Variants in PRKCA observed in about 807,000 individuals in gnomAD.
PRKCA encodes protein kinase C alpha type.
In PRKCA, 27 loss-of-function variants were observed where a neutral mutation model predicts 87.0. The observed-to-expected ratio is 0.31, with a 90% CI of 0.23 to 0.43. PRKCA has a LOEUF of 0.43. Ranked by LOEUF, PRKCA falls within the 20% of genes least tolerant of loss-of-function variation. PRKCA has a pLI of 1.00. For synonymous variants in PRKCA, 329 were observed against 311.1 expected, an observed-to-expected ratio of 1.06 and a Z score of -0.61; for missense variants, 518 against 852.3, an observed-to-expected ratio of 0.61 and a Z score of 4.88.
chr17:66,640,899 G>T, intron 3 of PRKCA: 1 of 421,120 alleles, frequency 2.4e-6, no homozygotes, highest in South Asian at 1.7e-5. Flanking sequence ...GGTGGTTCAC[G>T]CCTGTAATCC....
At chr17:66,755,736 G>A (rs1974532977) in intron 13 of PRKCA, among the ~76,000 whole-genome samples, 2 of 152,102 alleles carry the variant, frequency 1.3e-5, no homozygotes, top group South Asian at 2.1e-4. Flanking sequence ...AGACGTCATC[G>A]TTCCATCCTG....
chr17:66,793,586 G>A (rs1374783930), intron 16 of PRKCA, among the ~76,000 whole-genome samples: 4 of 75,846 alleles, frequency 5.3e-5, no homozygotes, highest in Middle Eastern at 0.012. Flanking sequence ...ATGAAACTCC[G>A]TCTCAAAAAA....
At chr17:66,725,775 AC>A (rs1973731634) in intron 8 of PRKCA, among the ~76,000 whole-genome samples, 1 of 150,962 alleles carries the variant, frequency 6.6e-6, no homozygotes, top group African/African-American at 2.4e-5. Flanking sequence ...ATGCCACTGC[AC>A]TCCAGCCTGG....
Position 66,686,998 on chromosome 17 carries a change from C to T in PRKCA, c.530-113C>T, listed in dbSNP as rs560981146. ...GAGGCTTTTGGCTTCCACCATCTGTCTCCTTAAACGCCATTCTGACGTCTC... is the reference window on the plus strand; with the variant it reads ...GAGGCTTTTGGCTTCCACCATCTGTTTCCTTAAACGCCATTCTGACGTCTC... On this transcript the variant is annotated intron_variant, in intron 5 of 16. Transcript: ENST00000413366. 8 of 962,032 alleles carry T rather than the reference C, an allele frequency of 8.3e-6. No homozygotes were observed. In the South Asian group the frequency reaches 1.1e-4, roughly 13 times the overall value. 59.6% of individuals were successfully genotyped at this position (962,032 alleles called of 1,614,324 possible).
At chr17:66,716,418 C>T (rs889752795) in intron 8 of PRKCA, among the ~76,000 whole-genome samples, 1 of 152,192 alleles carries the variant, frequency 6.6e-6, no homozygotes, top group African/African-American at 2.4e-5. Context: ...TCCTCTAAGC[C>T]GGGCATCAGA....
At chr17:66,658,726 G>A (rs1598851719) in intron 5 of PRKCA, among the ~76,000 whole-genome samples, 2 of 152,150 alleles carry the variant, frequency 1.3e-5, no homozygotes, top group African/African-American at 4.8e-5. Flanking sequence ...TATTAATGGA[G>A]TTTTACTCCA....
chr17:66,721,351 G>C (rs188621953), intron 8 of PRKCA, among the ~76,000 whole-genome samples: 9 of 150,064 alleles, frequency 6.0e-5, no homozygotes, highest in Non-Finnish European at 1.0e-4. Context: ...AGCCGAGATC[G>C]GGCCACTGCA....
At chr17:66,376,801 T>A (rs1467533017) in intron 2 of PRKCA, among the ~76,000 whole-genome samples, 1 of 152,006 alleles carries the variant, frequency 6.6e-6, no homozygotes, top group African/African-American at 2.4e-5. Context: ...GGTCCCCATG[T>A]AAGTCCTTTC....
rs11654120 is a variant in PRKCA at position 66,778,384 on chromosome 17, C to A, written c.1605+4317C>A. The A allele has an allele frequency of 3.9e-4, 108 of 276,492 alleles. No homozygotes were observed. The South Asian group carries it at 0.012, about 30-fold the overall frequency. 17.1% of individuals were successfully genotyped at this position (276,492 alleles called of 1,614,324 possible). ...AAAAAAAATTAGCCGAGTGTGGTGGCGGGCGCCTGTAGTCCCAGCTACTCG... is the reference window on the plus strand; with the variant it reads ...AAAAAAAATTAGCCGAGTGTGGTGGAGGGCGCCTGTAGTCCCAGCTACTCG... On this transcript the variant is annotated intron_variant, in intron 14 of 16. Transcript: ENST00000413366.
intron 5 of PRKCA, among the ~76,000 whole-genome samples, chr17:66,647,742 C>T (rs1405774222): frequency 1.3e-5 from 2 of 152,166 alleles, no homozygotes; most frequent in South Asian, 2.1e-4. Context: ...GAACTTGACT[C>T]ACAATTGTAG....
At chr17:66,329,881 T>C (rs1436784742) in intron 2 of PRKCA, among the ~76,000 whole-genome samples, 1 of 152,186 alleles carries the variant, frequency 6.6e-6, no homozygotes, top group East Asian at 1.9e-4. Flanking sequence ...TTGATCGAAA[T>C]GTCGATCTTT....
rs12103778 is a variant in PRKCA at position 66,533,965 on chromosome 17, C to T, written c.288+37682C>T. ...TGCCACAGTGTTTATGGAGCCCTGC[C>T]TTTTGGAGGAGTGGGAAGTGGAGCT... On this transcript the variant is annotated intron_variant, in intron 3 of 16. Coordinates refer to ENST00000413366, the MANE Select transcript of PRKCA (RefSeq NM_002737.3). 1.6e-3 allele frequency among the ~76,000 whole-genome samples: 239 copies of T among 152,088 alleles called. 1 individual carries two copies. Among genetic ancestry groups the T allele is most frequent in the African/African-American group, 5.3e-3 (219 of 41,528 alleles).
chr17:66,708,193 C>T (rs189822273), intron 8 of PRKCA, among the ~76,000 whole-genome samples: 72 of 152,302 alleles, frequency 4.7e-4, no homozygotes, highest in Admixed American at 3.9e-3. Flanking sequence ...TCAGGGAACT[C>T]GGTGGCTGTC....
intron 3 of PRKCA, among the ~76,000 whole-genome samples, chr17:66,534,698 A>T (rs1967706017): frequency 6.6e-6 from 1 of 152,112 alleles, no homozygotes; most frequent in African/African-American, 2.4e-5. Flanking sequence ...TCACAAGTTG[A>T]TCTTTCTGAA....
chr17:66,735,089 G>T (rs6504449), intron 9 of PRKCA, among the ~76,000 whole-genome samples: 1 of 152,206 alleles, frequency 6.6e-6, no homozygotes, highest in Non-Finnish European at 1.5e-5. Context: ...TTTCATAGAC[G>T]CAGGAACTGA....
chr17:66,789,598 C>T (rs982564590), intron 16 of PRKCA, among the ~76,000 whole-genome samples: 6 of 152,206 alleles, frequency 3.9e-5, no homozygotes, highest in South Asian at 4.1e-4. Flanking sequence ...GAGTGCCTTA[C>T]GAATATTAAT....
At chr17:66,481,253 C>T (rs996602341) in intron 2 of PRKCA, among the ~76,000 whole-genome samples, 3 of 152,098 alleles carry the variant, frequency 2.0e-5, no homozygotes, top group Non-Finnish European at 2.9e-5. Flanking sequence ...GGCCCCTGAG[C>T]GAAGTTGATC....
At chr17:66,386,134 G>A (rs1388471212) in intron 2 of PRKCA, among the ~76,000 whole-genome samples, 3 of 152,112 alleles carry the variant, frequency 2.0e-5, no homozygotes, top group African/African-American at 7.2e-5. Flanking sequence ...TTGAAGTCTC[G>A]TTGTGTCGTT....
chr17:66,341,082 T>A (rs192826686), intron 2 of PRKCA, among the ~76,000 whole-genome samples: 29 of 152,270 alleles, frequency 1.9e-4, no homozygotes, highest in Admixed American at 1.8e-3. Flanking sequence ...TTCTTTCTTT[T>A]TGGGAGTGGA....
Sources: gnomAD v4.1 joint callset for allele counts (sites outside exome capture counted in the v4.1 genomes callset) on GRCh38, gnomAD v4.1.1 for gene constraint, MANE v1.5 for transcripts, NCBI Gene and HGNC (gene_info 2026-07-23, HGNC 2026-07-21) for gene names.